PRH1: variants seen among roughly 807,000 people sequenced by gnomAD.
PRH1 encodes salivary acidic proline-rich phosphoprotein 1/2.
PRH1 carries 7 observed loss-of-function variants against 7.9 expected under a neutral mutation model. That is an observed-to-expected ratio of 0.89 (90% CI 0.50 to 1.67). The LOEUF (loss-of-function observed/expected upper bound fraction) is 1.67, where lower values mean the gene tolerates loss of function less well. Among genes scored for constraint, PRH1 ranks in the 40% most tolerant of loss-of-function variants. The pLI is 0.00. For missense variants in PRH1, 109 were observed against 223.6 expected (o/e 0.49, Z 3.27); for synonymous variants, 45 against 80.8 (o/e 0.56, Z 2.38).
At chr12:10,922,825 C>CTTTTTTTTTTTTTTTTTTTTTTTTT (rs139253542) in intron 2 of PRH1, among the ~76,000 whole-genome samples, 1 of 113,576 alleles carries the variant, frequency 8.8e-6, no homozygotes, top group Non-Finnish European at 1.8e-5. Context: ...TGAATTTTTT[C>CTTTTTTTTTTTTTTTTTTTTTTTTT]TTTTTCTTTT....
At chr12:11,086,344 T>G (rs1326557449) in intron 1 of PRH1, among the ~76,000 whole-genome samples, 4 of 125,140 alleles carry the variant, frequency 3.2e-5, no homozygotes, top group African/African-American at 1.1e-4. Context: ...AAAAACGTGT[T>G]CCATTGAAGA....
chr12:11,065,100 G>A (rs1226550460), intron 1 of PRH1, among the ~76,000 whole-genome samples: 1 of 151,912 alleles, frequency 6.6e-6, no homozygotes, highest in Non-Finnish European at 1.5e-5. Flanking sequence ...ATCATTTTAA[G>A]TTTCTGTTTA....
intron 1 of PRH1, among the ~76,000 whole-genome samples, chr12:10,981,389 T>C (rs1394279915): frequency 8.5e-6 from 1 of 118,152 alleles, no homozygotes; most frequent in Non-Finnish European, 1.8e-5. Context: ...TTTTTTTTTT[T>C]TTGAGGTGGA....
intron 1 of PRH1, among the ~76,000 whole-genome samples, chr12:11,122,410 T>A (rs749758418): frequency 6.6e-6 from 1 of 152,230 alleles, no homozygotes; most frequent in African/African-American, 2.4e-5. Flanking sequence ...GATACAAATA[T>A]CTAATGTAGT....
chr12:11,008,711 ATTTCT>A (rs1317631084), intron 1 of PRH1, among the ~76,000 whole-genome samples: 1 of 151,968 alleles, frequency 6.6e-6, no homozygotes, highest in African/African-American at 2.4e-5. Flanking sequence ...CATGTGATTT[ATTTCT>A]TTTCATTTCT....
chr12:11,140,102 T>C (rs1946662245), intron 1 of PRH1, among the ~76,000 whole-genome samples: 1 of 151,964 alleles, frequency 6.6e-6, no homozygotes, highest in Admixed American at 6.5e-5. Flanking sequence ...ATTATAAATT[T>C]GTCTAACCTT....
chr12:11,099,905 T>G (rs773958121), intron 1 of PRH1, among the ~76,000 whole-genome samples: 1 of 152,178 alleles, frequency 6.6e-6, no homozygotes, highest in Non-Finnish European at 1.5e-5. Context: ...CAAAGGTTTG[T>G]CCTGTGAGGT....
rs199887442 is a variant in PRH1 at position 11,084,776 on chromosome 12, CATTTATTT to C, written n.124-37596_124-37589del. Among the ~76,000 whole-genome samples, 7 of 56,268 alleles carry C rather than the reference CATTTATTT, an allele frequency of 1.2e-4. No homozygotes were observed. In the East Asian group the frequency reaches 1.7e-3, roughly 13 times the overall value. 36.9% of individuals were successfully genotyped at this position (56,268 alleles called of 152,430 possible). ...TTTATTAATAATGAATTACATATTT[CATTTATTT>C]ATTTATTTATTTATTCATATTCTTT... On this transcript the variant is annotated intron_variant and non_coding_transcript_variant, in intron 1 of 4. Coordinates refer to the PRH1 transcript ENST00000541977.
chr12:11,168,582 C>T (rs1947711108), intron 1 of PRH1, among the ~76,000 whole-genome samples: 2 of 152,070 alleles, frequency 1.3e-5, no homozygotes, highest in Admixed American at 1.3e-4. Context: ...ATCTAATCTT[C>T]CACAGCATTA....
At chr12:11,032,270 T>A (rs940009484) in intron 1 of PRH1, among the ~76,000 whole-genome samples, 5 of 152,220 alleles carry the variant, frequency 3.3e-5, no homozygotes, top group East Asian at 1.9e-4. Context: ...AATATATATA[T>A]CATATAGTAA....
At chr12:10,986,364 A>C in intron 1 of PRH1, 2 of 1,613,984 alleles carry the variant, frequency 1.2e-6, no homozygotes, top group Non-Finnish European at 1.7e-6. Context: ...CCTCAATTTC[A>C]TCTTCCCAGT....
intron 1 of PRH1, among the ~76,000 whole-genome samples, chr12:11,025,749 TAG>T (rs1429880197): frequency 6.6e-6 from 1 of 152,278 alleles, no homozygotes; most frequent in East Asian, 1.9e-4. Flanking sequence ...TCATTCTGTG[TAG>T]CTATCTTCCA....
chr12:10,969,372 T>C (rs1248381997), intron 2 of PRH1, among the ~76,000 whole-genome samples: 3 of 152,068 alleles, frequency 2.0e-5, no homozygotes, highest in Non-Finnish European at 4.4e-5. Context: ...AACATTTGAG[T>C]GGGAAAACAG....
rs529897962 is a variant in PRH1 at position 11,033,346 on chromosome 12, G to A, written c.-126+13674C>T. Among the ~76,000 whole-genome samples, 8 of 150,984 alleles carry A rather than the reference G, an allele frequency of 5.3e-5. No homozygotes were observed. In the South Asian group the frequency reaches 1.5e-3, roughly 28 times the overall value. ...TATGCCACTGCACTCCAGCCTGGGC[G>A]ACACAGCAAGACTCTGTCAAAAAAC... On this transcript the variant is annotated intron_variant, in intron 1 of 3. Transcript: ENST00000539853.
chr12:11,034,840 TC>T (rs1469322999), intron 1 of PRH1: 1 of 152,864 alleles, frequency 6.5e-6, no homozygotes, highest in Non-Finnish European at 1.5e-5. Context: ...TAAGCCATGA[TC>T]CTACCACTGA....
intron 3 of PRH1, among the ~76,000 whole-genome samples, chr12:10,881,877 C>A (rs1434841612): frequency 6.6e-6 from 1 of 152,096 alleles, no homozygotes; most frequent in Non-Finnish European, 1.5e-5. Context: ...CTGAGCAAAG[C>A]ATGTTCAGGT....
chr12:11,002,107 T>C (rs2136021132), intron 1 of PRH1, among the ~76,000 whole-genome samples: 1 of 152,282 alleles, frequency 6.6e-6, no homozygotes, highest in Non-Finnish European at 1.5e-5. Flanking sequence ...CTTGAAATTT[T>C]CCATTTTCTA....
chr12:11,101,018 T>C (rs1272731855), intron 1 of PRH1, among the ~76,000 whole-genome samples: 1 of 152,210 alleles, frequency 6.6e-6, no homozygotes, highest in Non-Finnish European at 1.5e-5. Context: ...TAATTTATTG[T>C]AAATTCCTGA....
At chr12:11,054,458 C>T (rs1943274252) in intron 1 of PRH1, among the ~76,000 whole-genome samples, 1 of 152,154 alleles carries the variant, frequency 6.6e-6, no homozygotes, top group Admixed American at 6.5e-5. Context: ...TTTATTACAG[C>T]AGTCAAAGTA....
Sources: allele counts gnomAD v4.1 joint callset (sites outside exome capture counted in the v4.1 genomes callset), GRCh38; gene constraint gnomAD v4.1.1; transcripts MANE v1.5; gene names NCBI Gene and HGNC (gene_info 2026-07-23, HGNC 2026-07-21).